Variants in NAA25 observed in about 807,000 individuals in gnomAD.
NAA25 encodes the protein N-terminal acetyltransferase B complex subunit NAA25.
NAA25 carries 30 observed loss-of-function variants against 132.5 expected under a neutral mutation model. That is an observed-to-expected ratio of 0.23 (90% CI 0.17 to 0.31). The LOEUF (loss-of-function observed/expected upper bound fraction) is 0.31. Among genes scored for constraint, NAA25 ranks in the 10% least tolerant of loss-of-function variants. The pLI, the probability that NAA25 is intolerant of heterozygous loss-of-function variation, is 1.00. For missense variants in NAA25, 771 were observed against 1,150.4 expected (o/e 0.67, Z 4.77); for synonymous variants, 359 against 401.9 (o/e 0.89, Z 1.28).
intron 4 of NAA25, among the ~76,000 whole-genome samples, chr12:112,082,115 G>A (rs778880187): frequency 3.3e-5 from 5 of 152,094 alleles, no homozygotes; most frequent in Non-Finnish European, 5.9e-5. Flanking sequence ...GCTGGGCGTG[G>A]CAGCAGGGAC....
At chr12:112,096,953 G>A (rs1322314859) in intron 1 of NAA25, among the ~76,000 whole-genome samples, 2 of 152,076 alleles carry the variant, frequency 1.3e-5, no homozygotes, top group Non-Finnish European at 2.9e-5. Flanking sequence ...GGACTATAAG[G>A]GTATTTTTCC....
chr12:112,100,470 T>TGTC, intron 1 of NAA25, among the ~76,000 whole-genome samples: 1 of 151,928 alleles, frequency 6.6e-6, no homozygotes. Flanking sequence ...CTTGCTTCCC[T>TGTC]TTTAGTTTAA....
At chr12:112,092,978 C>A in intron 2 of NAA25, 73 bp downstream of exon 2, 1 of 1,112,820 alleles carries the variant, frequency 9.0e-7, no homozygotes, top group South Asian at 1.4e-5. Context: ...GCCCGGCCCT[C>A]CTTTCTCTTT....
rs897889392 is a variant in NAA25, at chr12:112,078,655, G to C, written c.564C>G (p.Asp188Glu). The C allele has an allele frequency of 3.1e-6, 5 of 1,613,730 alleles. No individual in the cohort carries two copies. In the East Asian group the frequency reaches 6.7e-5, roughly 22 times the overall value. ...ERMVEKMVKE[D>E]KIEAEAEVEL... ...TCACTTCAGCCTCAGCTTCTATCTT[G>C]TCCTCTTTCACCATTTTTTCGACCA... The change falls in exon 6 of 24, where the codon GAC becomes GAG. Residue 188 changes from aspartate (D) to glutamate (E), a missense_variant. This residue lies in a region of NAA25 where 417 missense variants were observed against 733.8 expected (regional missense o/e 0.57). Transcript: ENST00000261745.
At chr12:112,087,409 T>C (rs2079072542) in intron 4 of NAA25, among the ~76,000 whole-genome samples, 1 of 152,214 alleles carries the variant, frequency 6.6e-6, no homozygotes, top group African/African-American at 2.4e-5. Flanking sequence ...TCTGATGCAG[T>C]AGGACAATCT....
chr12:112,080,979 C>T, intron 5 of NAA25, 81 bp downstream of exon 5: 2 of 1,208,442 alleles, frequency 1.7e-6, no homozygotes, highest in East Asian at 2.3e-5. Context: ...CAAAAAAAAC[C>T]AGTTCAGAAG....
At chr12:112,045,010 G>T (rs2078358378) in intron 17 of NAA25, among the ~76,000 whole-genome samples, 1 of 150,972 alleles carries the variant, frequency 6.6e-6, no homozygotes, top group Non-Finnish European at 1.5e-5. Context: ...ATATGGTCAC[G>T]CCACTGTACT....
At chr12:112,074,206 C>T (rs1203970676) in intron 9 of NAA25, among the ~76,000 whole-genome samples, 2 of 151,668 alleles carry the variant, frequency 1.3e-5, no homozygotes, top group Non-Finnish European at 2.9e-5. Flanking sequence ...CTGAGCACGG[C>T]GGTGGGCACC....
intron 19 of NAA25, among the ~76,000 whole-genome samples, chr12:112,042,538 G>A (rs1189147180): frequency 4.0e-5 from 6 of 148,934 alleles, no homozygotes; most frequent in East Asian, 1.9e-4. Flanking sequence ...ACAAAGTCTC[G>A]CTCTATCATC....
At chr12:112,058,046 C>G (rs1349124128) in intron 13 of NAA25, among the ~76,000 whole-genome samples, 1 of 152,046 alleles carries the variant, frequency 6.6e-6, no homozygotes, top group Non-Finnish European at 1.5e-5. Context: ...ACTCGGGCAG[C>G]TGAGACAGGA....
chr12:112,054,667 A>G lies in NAA25; in HGVS notation c.1448-99T>C, dbSNP rs1285786761. 4.6e-6 allele frequency: 5 copies of G among 1,081,702 alleles called. No individual in the cohort carries two copies. The African/African-American group carries it at 8.0e-5, about 17-fold the overall frequency. The allele number at this position is 1,081,702 out of a possible 1,614,324, so 67.0% of individuals were successfully genotyped here. On this transcript the variant is annotated intron_variant, in intron 13 of 23. Transcript: ENST00000261745. ...CTTATTGACATCATCACCCCCCCCA[A>G]TAAATGAAGTTAAATGACAGAGAAC...
Position 112,054,363 on chromosome 12 carries a change from A to G in NAA25, c.1628+25T>C, listed in dbSNP as rs748107433. 1.9e-6 allele frequency: 3 copies of G among 1,603,652 alleles called. No individual in the cohort carries two copies. The Admixed American group carries it at 5.1e-5, about 27-fold the overall frequency. ...CCCACACTGGTATAGCTGGCTGCTC[A>G]TTATTCAGAGTATATACTACCAACC... On this transcript the variant is annotated intron_variant, in intron 14 of 23. Coordinates refer to ENST00000261745, the MANE Select transcript of NAA25 (RefSeq NM_024953.4).
chr12:112,096,358 A>G (rs183297926), intron 1 of NAA25, among the ~76,000 whole-genome samples: 2 of 152,354 alleles, frequency 1.3e-5, no homozygotes, highest in Admixed American at 1.3e-4. Flanking sequence ...CAGACAACTT[A>G]AAATAATCTA....
intron 13 of NAA25, among the ~76,000 whole-genome samples, chr12:112,054,976 C>T (rs2078523237): frequency 6.6e-6 from 1 of 152,152 alleles, no homozygotes; most frequent in African/African-American, 2.4e-5. Flanking sequence ...CCATATGTAA[C>T]TCTACTAACA....
intron 5 of NAA25, among the ~76,000 whole-genome samples, chr12:112,080,448 G>A (rs529290213): frequency 6.6e-5 from 10 of 152,022 alleles, no homozygotes; most frequent in Non-Finnish European, 1.5e-4. Context: ...GAGGCAGAAG[G>A]ATTGCTTGAG....
At chr12:112,033,949 A>G (rs2078187254) in intron 22 of NAA25, 1 of 152,196 alleles carries the variant, frequency 6.6e-6, no homozygotes, top group Non-Finnish European at 1.5e-5. Flanking sequence ...AACATGTGAT[A>G]CAACTAAAAA....
chr12:112,078,876 G>T, intron 5 of NAA25, 135 bp from the exon 6 acceptor site: 1 of 674,078 alleles, frequency 1.5e-6, no homozygotes, highest in Non-Finnish European at 2.5e-6. Context: ...TCCCTGCCAA[G>T]GAGGTACATT....
intron 1 of NAA25, among the ~76,000 whole-genome samples, chr12:112,099,343 C>G (rs1045447361): frequency 1.3e-5 from 2 of 151,262 alleles, no homozygotes; most frequent in African/African-American, 4.9e-5. Context: ...GTATCAGAAT[C>G]TGGTTAATAA....
At position 112,049,511 on chromosome 12, in the gene NAA25, T is replaced by G; in HGVS notation, c.1729-1068A>C. On this transcript the variant is annotated intron_variant, in intron 15 of 23. Coordinates refer to ENST00000261745, the MANE Select transcript of NAA25 (RefSeq NM_024953.4). This position sits in a 1 kb window ranked among gnomAD's most constrained non-coding sequence, Gnocchi z 4.7. ...CTGATATACAGCCTTGCAGGGTTCA[T>G]TTCAGGCCGCGGGATTGCGCCACGG... The G allele has an allele frequency of 1.0e-6, 1 of 985,884 alleles. No homozygotes were observed. The highest frequency in any genetic ancestry group is 1.2e-6 in the Non-Finnish European group (1 of 829,946). The allele number at this position is 985,884 out of a possible 1,614,324, so 61.1% of individuals were successfully genotyped here. A position where few individuals can be genotyped will look rare whatever the true frequency, so the allele number is the denominator to read the frequency against.
Sources: allele counts gnomAD v4.1 joint callset (sites outside exome capture counted in the v4.1 genomes callset), GRCh38; gene constraint gnomAD v4.1.1; regional missense constraint gnomAD v4.1.1; non-coding constraint Gnocchi (gnomAD v3.1); transcripts MANE v1.5; gene names NCBI Gene and HGNC (gene_info 2026-07-23, HGNC 2026-07-21).